Variants in ZNF404 observed in about 807,000 individuals in gnomAD.
ZNF404 encodes the protein zinc finger protein 404.
Under a neutral mutation model 7.3 loss-of-function variants are expected in ZNF404, and 7 were observed. The observed-to-expected ratio is 0.95, with a 90% CI of 0.54 to 1.79. The LOEUF (loss-of-function observed/expected upper bound fraction) is 1.79, where lower values mean the gene tolerates loss of function less well. Among genes scored for constraint, ZNF404 ranks in the 40% most tolerant of loss-of-function variants. The pLI, the probability that ZNF404 is intolerant of heterozygous loss-of-function variation, is 0.00. For missense variants in ZNF404, 560 were observed against 661.5 expected, an observed-to-expected ratio of 0.85 and a Z score of 1.68; for synonymous variants, 191 against 209.9, an observed-to-expected ratio of 0.91 and a Z score of 0.78.
Position 43,872,565 on chromosome 19 carries a change from AG to A in ZNF404, c.1648del (p.Leu550SerfsTer2). On this transcript the variant is annotated frameshift_variant, in exon 3 of 3. Coordinates refer to ENST00000587539, the MANE Select transcript of ZNF404 (RefSeq NM_001033719.3). LOFTEE classifies it high-confidence loss of function. This position sits in a 1 kb window ranked among gnomAD's most constrained non-coding sequence, Gnocchi z 4.4. ...QHQRFHHGER[L>X]LM ...AGGCTTTCCCTCTCATTACATTAAGAGTCTCTCACCATGGTGAAATCTTTGA... is the reference window on the plus strand; with the variant it reads ...AGGCTTTCCCTCTCATTACATTAAGATCTCTCACCATGGTGAAATCTTTGA... 1 of 1,598,296 alleles carries A rather than the reference AG, an allele frequency of 6.3e-7. No individual in the cohort carries two copies. Among genetic ancestry groups the A allele is most frequent in the Non-Finnish European group, 8.5e-7 (1 of 1,172,122 alleles).
Position 43,873,880 on chromosome 19 carries a change from A to G in ZNF404, c.334T>C (p.Phe112Leu), listed in dbSNP as rs1434375700. 1 of 1,612,870 alleles carries G rather than the reference A, an allele frequency of 6.2e-7. No individual in the cohort carries two copies. The highest frequency in any genetic ancestry group is 8.5e-7 in the Non-Finnish European group (1 of 1,179,436). Residue 112 changes from phenylalanine (F) to leucine (L), a missense_variant, in exon 3 of 3, where the codon TTC becomes CTC. Coordinates refer to ENST00000587539, the MANE Select transcript of ZNF404 (RefSeq NM_001033719.3). ...PKVGCFSQMI[F>L]KKHKSLPLHK... ...AGAGGAAGGGATTTATGTTTTTTGAATATCATTTGACTAAAACATCCCACT... is the reference window on the plus strand; with the variant it reads ...AGAGGAAGGGATTTATGTTTTTTGAGTATCATTTGACTAAAACATCCCACT...
At chr19:43,880,878 A>C (rs1211278984) in intron 1 of ZNF404, among the ~76,000 whole-genome samples, 1 of 152,224 alleles carries the variant, frequency 6.6e-6, no homozygotes, top group East Asian at 1.9e-4. Flanking sequence ...CAAATCTAAC[A>C]GTATATAAGA....
chr19:43,880,181 T>G, intron 1 of ZNF404, 45 bp from the exon 2 acceptor site: 1 of 1,546,050 alleles, frequency 6.5e-7, no homozygotes, highest in Non-Finnish European at 8.7e-7. Flanking sequence ...TAAAGAAGAC[T>G]TTTCAAGATG....
Position 43,873,525 on chromosome 19 carries a change from A to C in ZNF404, c.689T>G (p.Leu230Arg). 3.7e-6 allele frequency: 6 copies of C among 1,613,512 alleles called. No homozygotes were observed. Among genetic ancestry groups the C allele is most frequent in the Non-Finnish European group, 4.2e-6 (5 of 1,179,584 alleles). Residue 230 changes from leucine to arginine, a missense_variant, in exon 3 of 3, where the codon CTT becomes CGT. Coordinates refer to ENST00000587539, the MANE Select transcript of ZNF404 (RefSeq NM_001033719.3). Reference protein sequence around the residue: ...CGKAFRRHSHLTEHQKIHVGL... With the variant: ...CGKAFRRHSHRTEHQKIHVGL... Reference sequence around the variant, plus strand: ...AACATGAATTTTCTGATGTTCTGTAAGGTGAGAATGACGTCTAAAAGCCTT... The same window carrying C: ...AACATGAATTTTCTGATGTTCTGTACGGTGAGAATGACGTCTAAAAGCCTT...
chr19:43,876,664 A>C (rs1055709424), intron 2 of ZNF404, among the ~76,000 whole-genome samples: 1 of 152,192 alleles, frequency 6.6e-6, no homozygotes, highest in Non-Finnish European at 1.5e-5. Context: ...ACAGAATATG[A>C]AAAGGGAAAA....
chr19:43,882,260 C>T (rs1343558858), intron 1 of ZNF404, among the ~76,000 whole-genome samples: 1 of 152,052 alleles, frequency 6.6e-6, no homozygotes, highest in Non-Finnish European at 1.5e-5. Context: ...GGATAAAGGA[C>T]CGTCTTTTAA....
At chr19:43,875,544 A>G (rs1480916420) in intron 2 of ZNF404, among the ~76,000 whole-genome samples, 2 of 152,170 alleles carry the variant, frequency 1.3e-5, no homozygotes, top group African/African-American at 4.8e-5. Flanking sequence ...TATTGGGAAA[A>G]ATAAAGTAAA....
At chr19:43,880,691 A>G (rs1235058981) in intron 1 of ZNF404, among the ~76,000 whole-genome samples, 1 of 152,222 alleles carries the variant, frequency 6.6e-6, no homozygotes, top group Non-Finnish European at 1.5e-5. Flanking sequence ...GACAAGTAAC[A>G]AATGAGGTGA....
Position 43,873,566 on chromosome 19 carries a change from T to C in ZNF404, c.648A>G (p.Glu216=). The change falls in exon 3 of 3, where the codon GAA becomes GAG. Residue 216 remains glutamate, a synonymous_variant. Transcript: ENST00000587539. ...QIIHTGMKPY[E]CKQCGKAFRR... ...TAAAAGCCTTCCCGCATTGCTTACA[T>C]TCATAGGGTTTCATACCAGTATGAA... 1 of 1,613,646 alleles carries C rather than the reference T, an allele frequency of 6.2e-7. No homozygotes were observed. Among genetic ancestry groups the C allele is most frequent in the Non-Finnish European group, 8.5e-7 (1 of 1,179,688 alleles).
At chr19:43,874,833 T>C (rs927310981) in intron 2 of ZNF404, among the ~76,000 whole-genome samples, 1 of 152,216 alleles carries the variant, frequency 6.6e-6, no homozygotes, top group Non-Finnish European at 1.5e-5. Context: ...AAACATAGCA[T>C]AGGTGCAAAT....
intron 1 of ZNF404, 99 bp from the exon 2 acceptor site, chr19:43,880,235 G>C (rs896062366): frequency 1.9e-6 from 2 of 1,047,996 alleles, no homozygotes; most frequent in Admixed American, 2.4e-5. Flanking sequence ...AAAAGAAGTA[G>C]TCTAGAGTTA....
Position 43,873,095 on chromosome 19 carries a change from A to G in ZNF404, c.1119T>C (p.His373=), listed in dbSNP as rs2074292879. ...AFCRGSQLTQ[H]QRIHTGEKPH... ...GCTTCTCACCAGTATGAATTCTCTG[A>G]TGCTGTGTAAGTTGAGAGCCTCTAC... Residue 373 remains histidine (H), a synonymous_variant, in exon 3 of 3, where the codon CAT becomes CAC. Coordinates refer to ENST00000587539, the MANE Select transcript of ZNF404 (RefSeq NM_001033719.3). 1 of 1,613,020 alleles carries G rather than the reference A, an allele frequency of 6.2e-7. No homozygotes were observed. Among genetic ancestry groups the G allele is most frequent in the South Asian group, 1.1e-5 (1 of 91,042 alleles).
At chr19:43,876,704 G>A (rs1363983666) in intron 2 of ZNF404, among the ~76,000 whole-genome samples, 1 of 152,042 alleles carries the variant, frequency 6.6e-6, no homozygotes, top group African/African-American at 2.4e-5. Context: ...GAAAAATGAC[G>A]GACATCACCT....
intron 2 of ZNF404, among the ~76,000 whole-genome samples, chr19:43,877,366 T>C (rs1971857064): frequency 1.3e-5 from 2 of 152,088 alleles, no homozygotes; most frequent in Non-Finnish European, 2.9e-5. Context: ...CAGGCTTCGG[T>C]CTCTATATAC....
rs749634594 is a variant in ZNF404, at chr19:43,872,701, T to A, written c.1513A>T (p.Asn505Tyr). 2 of 1,613,464 alleles carry A rather than the reference T, an allele frequency of 1.2e-6. No individual in the cohort carries two copies. Among genetic ancestry groups the A allele is most frequent in the East Asian group, 4.5e-5 (2 of 44,852 alleles). The change falls in exon 3 of 3, where the codon AAT becomes TAT. Residue 505 changes from asparagine (N) to tyrosine (Y), a missense_variant. Asn to Tyr is a moderately radical substitution (Grantham distance 143, BLOSUM62 -2). Coordinates refer to ENST00000587539, the MANE Select transcript of ZNF404 (RefSeq NM_001033719.3). The surrounding 1 kb of genome is among the most constrained non-coding windows in gnomAD (Gnocchi z 4.4). ...TGTTGAGTAAGTCGATCACTGCGAT[T>A]AAAGGCCTTATCACATTCTTTACAT... The part of the protein sequence containing the change: ...YECKECDKAF[N>Y]RSDRLTQHET...
rs549639382 is a variant in ZNF404 at position 43,875,331 on chromosome 19, G to A, written c.137-1254C>T. On this transcript the variant is annotated intron_variant, in intron 2 of 2. Coordinates refer to ENST00000587539, the MANE Select transcript of ZNF404 (RefSeq NM_001033719.3). ...ATCTACAAATAATGCCTGTAAGGTT[G>A]AAGGTTTTACTTCTTTTCATTCTAC... Among the ~76,000 whole-genome samples, 8 of 152,124 alleles carry A rather than the reference G, an allele frequency of 5.3e-5. No individual in the cohort carries two copies. In the East Asian group the frequency reaches 9.6e-4, roughly 18 times the overall value.
chr19:43,883,884 T>TA, intron 1 of ZNF404, 72 bp downstream of exon 1: 5 of 1,539,204 alleles, frequency 3.2e-6, no homozygotes, highest in South Asian at 1.1e-5. Flanking sequence ...GTTTCAGGAT[T>TA]AAAAAAATGA....
chr19:43,873,520 C>T lies in ZNF404; in HGVS notation c.694G>A (p.Glu232Lys), dbSNP rs1366044699. ...AAGCCAACATGAATTTTCTGATGTT[C>T]TGTAAGGTGAGAATGACGTCTAAAA... ...KAFRRHSHLT[E>K]HQKIHVGLKP... Residue 232 changes from glutamate to lysine, a missense_variant, in exon 3 of 3, where the codon GAA (glutamate) becomes AAA (lysine). Glu to Lys is a moderately conservative substitution (Grantham distance 56, BLOSUM62 1). Coordinates refer to ENST00000587539, the MANE Select transcript of ZNF404 (RefSeq NM_001033719.3). 8 of 1,613,344 alleles carry T rather than the reference C, an allele frequency of 5.0e-6. No homozygotes were observed. Among genetic ancestry groups the T allele is most frequent in the East Asian group, 2.2e-5 (1 of 44,874 alleles).
intron 2 of ZNF404, among the ~76,000 whole-genome samples, chr19:43,878,633 T>C (rs1245555664): frequency 2.0e-5 from 3 of 152,152 alleles, no homozygotes; most frequent in Non-Finnish European, 4.4e-5. Context: ...CACCACCATA[T>C]AGGGGTAGGC....
Sources: gnomAD v4.1 joint callset for allele counts (sites outside exome capture counted in the v4.1 genomes callset) on GRCh38, gnomAD v4.1.1 for gene constraint, Gnocchi (gnomAD v3.1) non-coding constraint, MANE v1.5 for transcripts, NCBI Gene and HGNC (gene_info 2026-07-23, HGNC 2026-07-21) for gene names.